Variants in TSPAN5 observed in about 807,000 individuals in gnomAD.
TSPAN5 encodes the protein tetraspanin 5, also known as tetraspanin-5.
TSPAN5 carries 10 observed loss-of-function variants against 37.1 expected under a neutral mutation model. That is an observed-to-expected ratio of 0.27 (90% CI 0.17 to 0.46). The LOEUF (loss-of-function observed/expected upper bound fraction) is 0.46, where lower values mean the gene tolerates loss of function less well. Ranked by LOEUF, TSPAN5 falls within the 20% of genes least tolerant of loss-of-function variation. The probability of loss-of-function intolerance (pLI) is 1.00; values close to 1 mark genes in which losing one functional copy is unlikely to be tolerated. For missense variants in TSPAN5, 195 were observed against 326.6 expected (o/e 0.60, Z 3.11); for synonymous variants, 110 against 118.9 (o/e 0.93, Z 0.48).
intron 1 of TSPAN5, among the ~76,000 whole-genome samples, chr4:98,612,210 G>C (rs1042222249): frequency 3.3e-5 from 5 of 152,076 alleles, no homozygotes; most frequent in Non-Finnish European, 5.9e-5. Context: ...GGAAGAGGAG[G>C]GGGAGGAGGA....
intron 1 of TSPAN5, among the ~76,000 whole-genome samples, chr4:98,650,912 ATAAAG>A (rs900058290): frequency 1.3e-5 from 2 of 152,262 alleles, no homozygotes; most frequent in Non-Finnish European, 2.9e-5. Flanking sequence ...GCCATTTTAA[ATAAAG>A]TAATGACAGT....
chr4:98,622,207 G>A (rs567886508), intron 1 of TSPAN5, among the ~76,000 whole-genome samples: 1 of 152,264 alleles, frequency 6.6e-6, no homozygotes, highest in Admixed American at 6.5e-5. Context: ...AGCCTCACAA[G>A]TAGCTGGGAT....
intron 1 of TSPAN5, among the ~76,000 whole-genome samples, chr4:98,531,175 C>A (rs1477784602): frequency 1.3e-5 from 2 of 152,146 alleles, no homozygotes; most frequent in Non-Finnish European, 2.9e-5. Flanking sequence ...CACCCATCAA[C>A]CTGTCACCTA....
chr4:98,541,544 G>A (rs891821066), intron 1 of TSPAN5, among the ~76,000 whole-genome samples: 5 of 151,800 alleles, frequency 3.3e-5, no homozygotes, highest in Non-Finnish European at 7.4e-5. Context: ...GGGCATGGTG[G>A]CATGCCTATA....
rs1756009479 is a variant in TSPAN5 at position 98,605,429 on chromosome 4, C to G, written c.81+52717G>C. 2.0e-5 allele frequency among the ~76,000 whole-genome samples: 3 copies of G among 152,170 alleles called. 1 individual carries two copies. Among genetic ancestry groups the G allele is most frequent in the Admixed American group, 2.0e-4 (3 of 15,282 alleles). On this transcript the variant is annotated intron_variant, in intron 1 of 7. Coordinates refer to ENST00000305798, the MANE Select transcript of TSPAN5 (RefSeq NM_005723.4). ...AAGTAACCAACACACGACCGGTCAG[C>G]TGAGAAGAGCAGAGACATACCTCTG...
intron 1 of TSPAN5, among the ~76,000 whole-genome samples, chr4:98,601,117 T>A (rs1169191852): frequency 3.3e-5 from 5 of 152,232 alleles, no homozygotes; most frequent in Non-Finnish European, 4.4e-5. Flanking sequence ...TAAACCAGGC[T>A]ATAAACAGAT....
intron 1 of TSPAN5, among the ~76,000 whole-genome samples, chr4:98,609,083 A>C (rs1756111801): frequency 6.6e-6 from 1 of 152,228 alleles, no homozygotes; most frequent in Admixed American, 6.5e-5. Context: ...AAGAAATCAC[A>C]GTGGTCTAGA....
chr4:98,569,797 T>C (rs916249074), intron 1 of TSPAN5, among the ~76,000 whole-genome samples: 12 of 152,200 alleles, frequency 7.9e-5, no homozygotes, highest in African/African-American at 2.9e-4. Context: ...CTATACTCAG[T>C]CCAATGACTG....
At chr4:98,644,201 T>C (rs1050879017) in intron 1 of TSPAN5, among the ~76,000 whole-genome samples, 5 of 152,204 alleles carry the variant, frequency 3.3e-5, no homozygotes, top group Non-Finnish European at 7.3e-5. Flanking sequence ...ATTTTAAATG[T>C]TGTCCTAAGG....
chr4:98,621,680 T>A (rs1196992815), intron 1 of TSPAN5, among the ~76,000 whole-genome samples: 1 of 152,098 alleles, frequency 6.6e-6, no homozygotes, highest in Non-Finnish European at 1.5e-5. Context: ...ATGTCACCAT[T>A]TTAAAGTGCA....
At chr4:98,517,623 G>A (rs895219211) in intron 1 of TSPAN5, among the ~76,000 whole-genome samples, 4 of 152,060 alleles carry the variant, frequency 2.6e-5, no homozygotes, top group African/African-American at 9.7e-5. Context: ...TTTTGGCAAG[G>A]ACTAGTCATC....
intron 2 of TSPAN5, among the ~76,000 whole-genome samples, chr4:98,496,922 A>T (rs1212301596): frequency 6.6e-6 from 1 of 152,174 alleles, no homozygotes; most frequent in Non-Finnish European, 1.5e-5. Context: ...TCACATTCTG[A>T]TACCCTAAGC....
At chr4:98,479,606 A>G (rs1301675579) in intron 4 of TSPAN5, among the ~76,000 whole-genome samples, 2 of 152,214 alleles carry the variant, frequency 1.3e-5, no homozygotes, top group Non-Finnish European at 2.9e-5. Context: ...TGTATAAGAC[A>G]GGGCTATAAA....
At chr4:98,527,699 C>T (rs1018216836) in intron 1 of TSPAN5, among the ~76,000 whole-genome samples, 6 of 152,200 alleles carry the variant, frequency 3.9e-5, no homozygotes, top group Non-Finnish European at 7.3e-5. Context: ...CTGATCCTAC[C>T]TACCTCCGGG....
chr4:98,531,919 T>C (rs1445873316), intron 1 of TSPAN5, among the ~76,000 whole-genome samples: 1 of 152,246 alleles, frequency 6.6e-6, no homozygotes, highest in Non-Finnish European at 1.5e-5. Context: ...GTTTTTTTCT[T>C]GTAAATTTGT....
rs189532146 is a variant in TSPAN5, at chr4:98,569,021, G to A, written c.82-61293C>T. The stretch of plus-strand genomic sequence containing the variant: ...ACTGTGGAGAAGGATGCAGGCAGCT[G>A]AAGCCAACTCACTTGGGGTATTCCC... On this transcript the variant is annotated intron_variant, in intron 1 of 7. Transcript: ENST00000305798. Among the ~76,000 whole-genome samples the A allele has an allele frequency of 5.9e-5, 9 of 152,320 alleles. No individual in the cohort carries two copies. In the East Asian group the frequency reaches 1.7e-3, roughly 29 times the overall value.
chr4:98,570,928 A>G, intron 1 of TSPAN5, among the ~76,000 whole-genome samples: 1 of 151,668 alleles, frequency 6.6e-6, no homozygotes. Flanking sequence ...AGGGCCTCTC[A>G]GGGTGCCTGA....
In TSPAN5 at chr4:98,658,284, C is replaced by G; in HGVS notation, c.-58G>C. On this transcript the variant is annotated 5_prime_UTR_variant, in exon 1 of 8. Transcript: ENST00000305798. ...GCCCGAGTTTGGAGCTCCGAAGCACCGTTGCTCGGAGCAGCCCGGCGGGGA... is the reference window on the plus strand; with the variant it reads ...GCCCGAGTTTGGAGCTCCGAAGCACGGTTGCTCGGAGCAGCCCGGCGGGGA... The G allele has an allele frequency of 1.4e-6, 2 of 1,418,448 alleles. No individual in the cohort carries two copies. Among genetic ancestry groups the G allele is most frequent in the Non-Finnish European group, 2.0e-6 (2 of 1,001,848 alleles). The allele number at this position is 1,418,448 out of a possible 1,614,324, so 87.9% of individuals were successfully genotyped here. A position where few individuals can be genotyped will look rare whatever the true frequency, so the allele number is the denominator to read the frequency against.
chr4:98,635,790 T>C (rs1232030668), intron 1 of TSPAN5, among the ~76,000 whole-genome samples: 1 of 152,128 alleles, frequency 6.6e-6, no homozygotes, highest in East Asian at 1.9e-4. Flanking sequence ...CAGAAGAAAA[T>C]TAGACAAATA....
Sources: allele counts gnomAD v4.1 joint callset (sites outside exome capture counted in the v4.1 genomes callset), GRCh38; gene constraint gnomAD v4.1.1; transcripts MANE v1.5; gene names NCBI Gene and HGNC (gene_info 2026-07-23, HGNC 2026-07-21).